The following NLRP7 variants were observed in gnomAD, a reference collection of about 807,000 sequenced individuals.
NLRP7 encodes NACHT, LRR and PYD domains-containing protein 7.
Under a neutral mutation model 85.5 loss-of-function variants are expected in NLRP7, and 72 were observed. The ratio of observed to expected loss-of-function variants is 0.84; its 90% CI spans 0.70 to 1.02. The LOEUF is 1.02. NLRP7 is among the 50% of genes least tolerant of loss of function. NLRP7 has a pLI of 0.00. For synonymous variants in NLRP7, 550 were observed against 505.2 expected (o/e 1.09, Z -1.19); for missense variants, 1,243 against 1,219.5 (o/e 1.02, Z -0.29).
At chr19:54,958,945 G>A (rs1390948007) in intron 1 of NLRP7, among the ~76,000 whole-genome samples, 2 of 152,016 alleles carry the variant, frequency 1.3e-5, no homozygotes, top group Non-Finnish European at 2.9e-5. Flanking sequence ...GAAAGAATAG[G>A]GCAGGGAGTT....
intron 1 of NLRP7, among the ~76,000 whole-genome samples, chr19:54,956,439 C>T (rs1323414263): frequency 6.6e-6 from 1 of 152,018 alleles, no homozygotes; most frequent in East Asian, 1.9e-4. Flanking sequence ...CCTGTCATTC[C>T]AGGATTTTGG....
chr19:54,935,617 C>T (rs1191484351), intron 6 of NLRP7, among the ~76,000 whole-genome samples: 1 of 151,384 alleles, frequency 6.6e-6, no homozygotes, highest in Non-Finnish European at 1.5e-5. Flanking sequence ...TGCTTGAACC[C>T]AGGAGGCGGA....
intron 1 of NLRP7, among the ~76,000 whole-genome samples, chr19:54,964,780 C>T (rs1395875751): frequency 7.1e-6 from 1 of 141,374 alleles, no homozygotes; most frequent in Non-Finnish European, 1.6e-5. Flanking sequence ...GAGCCGAGAT[C>T]GTGCCGTTGC....
Position 54,938,956 on chromosome 19 carries a change from TGA to T in NLRP7, c.1861_1862del (p.Ser621ThrfsTer16). ...GGAACACCCCCTTTGCTACCTGCAG[TGA>T]GAGTTTCTGCAAGTCTTGACAATGC... On this transcript the variant is annotated frameshift_variant, in exon 4 of 10. Transcript: ENST00000340844. LOFTEE classifies it high-confidence loss of function. 2 of 1,613,516 alleles carry T rather than the reference TGA, an allele frequency of 1.2e-6. No individual in the cohort carries two copies. Among genetic ancestry groups the T allele is most frequent in the Non-Finnish European group, 1.7e-6 (2 of 1,179,414 alleles).
intron 1 of NLRP7, among the ~76,000 whole-genome samples, chr19:54,954,137 T>C (rs1375815113): frequency 1.3e-5 from 2 of 149,370 alleles, no homozygotes; most frequent in African/African-American, 4.9e-5. Flanking sequence ...AGTTTACAAA[T>C]GCCATGGCAA....
At chr19:54,947,363 G>A (rs767870396) in intron 1 of NLRP7, 106 bp downstream of exon 1, 56 of 802,950 alleles carry the variant, frequency 7.0e-5, no homozygotes, top group Non-Finnish European at 9.8e-5. Context: ...CAGCATCCTC[G>A]CACCAACCAT....
At chr19:54,964,727 G>A (rs1038114168) in intron 1 of NLRP7, among the ~76,000 whole-genome samples, 5 of 144,418 alleles carry the variant, frequency 3.5e-5, no homozygotes, top group Non-Finnish European at 7.7e-5. Flanking sequence ...TCGGGAGGCT[G>A]AGGCAGGGGA....
At chr19:54,951,391 C>T (rs2069663104), upstream of NLRP7, among the ~76,000 whole-genome samples, 1 of 151,762 alleles carries the variant, frequency 6.6e-6, no homozygotes, top group South Asian at 2.1e-4. Flanking sequence ...TACAAAAATA[C>T]AAAAATTAGC....
chr19:54,960,705 C>G lies in NLRP7; in HGVS notation c.-77+5335G>C, dbSNP rs1047997884. Among the ~76,000 whole-genome samples the G allele has an allele frequency of 2.4e-4, 36 of 152,228 alleles. 1 individual carries two copies. Among genetic ancestry groups the G allele is most frequent in the African/African-American group, 8.2e-4 (34 of 41,556 alleles). On this transcript the variant is annotated intron_variant, in intron 1 of 2. Transcript: ENST00000587103. The stretch of plus-strand genomic sequence containing the variant: ...CCGCCTCCCGGATTCACGCCATTCT[C>G]CTGCCTCAGCCTCCCAAGTAGCTGG...
At chr19:54,963,678 G>C (rs1041330369) in intron 1 of NLRP7, among the ~76,000 whole-genome samples, 2 of 151,792 alleles carry the variant, frequency 1.3e-5, no homozygotes, top group African/African-American at 4.8e-5. Context: ...AAGAAAATTA[G>C]CCGGGTACAG....
rs2068841259 is a variant in NLRP7 at position 54,934,905 on chromosome 19, C to T, written c.2301-246G>A. On this transcript the variant is annotated intron_variant, in intron 6 of 9. Coordinates refer to ENST00000340844, the Ensembl canonical transcript of NLRP7. This position sits in a 1 kb window ranked among gnomAD's most constrained non-coding sequence, Gnocchi z 6.7. ...AGAGACGGGATTTCACCATGTTGGC[C>T]ACACTGGTCTTGAACTCCTGACCTC... Among the ~76,000 whole-genome samples the T allele has an allele frequency of 6.6e-6, 1 of 152,116 alleles. No individual in the cohort carries two copies. Among genetic ancestry groups the T allele is most frequent in the Non-Finnish European group, 1.5e-5 (1 of 68,024 alleles).
At chr19:54,935,524 T>C (rs1168301177) in intron 6 of NLRP7, among the ~76,000 whole-genome samples, 6 of 152,042 alleles carry the variant, frequency 3.9e-5, no homozygotes, top group South Asian at 2.1e-4. Flanking sequence ...GGTGAAACCC[T>C]GTCTCTATTA....
exon 4 of NLRP7, chr19:54,939,888 G>A (rs79513034): frequency 6.2e-7 from 1 of 1,613,714 alleles, no homozygotes; most frequent in Non-Finnish European, 8.5e-7. Flanking sequence ...TGCGCCAGGA[G>A]CTGGAGGTCC....
intron 6 of NLRP7, 35 bp downstream of exon 6, chr19:54,936,226 C>T (rs374389553): frequency 2.5e-6 from 4 of 1,594,346 alleles, no homozygotes; most frequent in Non-Finnish European, 3.4e-6. Context: ...CAGTGGACTC[C>T]AGGTGCTGGG....
chr19:54,933,430 C>G (rs1372846602), intron 8 of NLRP7, 139 bp downstream of exon 8: 2 of 1,076,092 alleles, frequency 1.9e-6, no homozygotes, highest in Admixed American at 2.0e-5. Context: ...CAGGCATGAG[C>G]CACCACGCCT....
intron 9 of NLRP7, among the ~76,000 whole-genome samples, chr19:54,924,690 C>T (rs559943820): frequency 3.1e-4 from 47 of 152,202 alleles, no homozygotes; most frequent in African/African-American, 1.1e-3. Flanking sequence ...AATTCCAGCA[C>T]TTTGGGAGGC....
intron 9 of NLRP7, among the ~76,000 whole-genome samples, chr19:54,928,134 C>T (rs914725882): frequency 6.6e-6 from 1 of 152,036 alleles, no homozygotes; most frequent in African/African-American, 2.4e-5. Context: ...GCACAAGAAT[C>T]GCTTCAGCCT....
At position 54,960,000 on chromosome 19, in the gene NLRP7, G is replaced by T. The variant is rs558725155; in HGVS notation, c.-77+6040C>A. ...CTGGGCATTTTGTTGAATTGTTTTT[G>T]AATTGTGGTTTCTTATCAGTTCATC... On this transcript the variant is annotated intron_variant, in intron 1 of 2. Coordinates refer to the NLRP7 transcript ENST00000587103. Among the ~76,000 whole-genome samples, 5 of 151,996 alleles carry T rather than the reference G, an allele frequency of 3.3e-5. No individual in the cohort carries two copies. The East Asian group carries it at 9.7e-4, about 29-fold the overall frequency.
upstream of NLRP7, among the ~76,000 whole-genome samples, chr19:54,949,529 A>G (rs889292201): frequency 1.3e-5 from 2 of 152,182 alleles, no homozygotes; most frequent in African/African-American, 4.8e-5. Context: ...TGGAGAGATA[A>G]ACATGAAAGA....
Sources: gnomAD v4.1 joint callset for allele counts (sites outside exome capture counted in the v4.1 genomes callset) on GRCh38, gnomAD v4.1.1 for gene constraint, Gnocchi (gnomAD v3.1) non-coding constraint, MANE v1.5 for transcripts, NCBI Gene and HGNC (gene_info 2026-07-23, HGNC 2026-07-21) for gene names.